The following GPC5 variants were observed in gnomAD, a reference collection of about 807,000 sequenced individuals.
The protein encoded by GPC5 is glypican 5, also known as glypican-5.
A neutral mutation model predicts 53.9 loss-of-function variants in GPC5; 47 were observed. The ratio of observed to expected loss-of-function variants is 0.87; its 90% CI spans 0.69 to 1.11. The LOEUF (loss-of-function observed/expected upper bound fraction) is 1.11. Ranked by LOEUF, GPC5 falls within the 50% of genes most tolerant of loss-of-function variation. GPC5 has a pLI of 0.00. For synonymous variants in GPC5, 286 were observed against 263.3 expected (o/e 1.09, Z -0.84); for missense variants, 748 against 713.1 (o/e 1.05, Z -0.56).
chr13:91,882,670 G>GTTTTTTTTTTTTTTTTTTTTTTTGGTTTT, intron 5 of GPC5, among the ~76,000 whole-genome samples: 1 of 59,334 alleles, frequency 1.7e-5, no homozygotes, highest in African/African-American at 7.1e-5. Flanking sequence ...TGTTTTTTGG[G>GTTTTTTTTTTTTTTTTTTTTTTTGGTTTT]TTTTTTTTTT....
intron 7 of GPC5, among the ~76,000 whole-genome samples, chr13:92,166,999 TAC>T (rs2042036604): frequency 7.4e-6 from 1 of 135,762 alleles, no homozygotes; most frequent in African/African-American, 2.9e-5. Flanking sequence ...CACACACATA[TAC>T]ACACGCCCTA....
At chr13:92,408,576 G>T (rs986729343) in intron 7 of GPC5, among the ~76,000 whole-genome samples, 1 of 151,474 alleles carries the variant, frequency 6.6e-6, no homozygotes, top group Non-Finnish European at 1.5e-5. Flanking sequence ...CAAGTGATTG[G>T]CATCTGGTAA....
intron 7 of GPC5, among the ~76,000 whole-genome samples, chr13:92,798,804 C>T (rs1022649713): frequency 2.0e-5 from 3 of 151,792 alleles, no homozygotes; most frequent in Admixed American, 6.6e-5. Flanking sequence ...AAATACCAAA[C>T]ACTCAAAATT....
At chr13:91,408,179 T>C (rs1877467415) in intron 1 of GPC5, among the ~76,000 whole-genome samples, 1 of 152,172 alleles carries the variant, frequency 6.6e-6, no homozygotes, top group South Asian at 2.1e-4. Flanking sequence ...TCTGTAAATA[T>C]GTGTCCCTTG....
chr13:92,706,889 T>G (rs1371270278), intron 7 of GPC5, among the ~76,000 whole-genome samples: 1 of 152,210 alleles, frequency 6.6e-6, no homozygotes, highest in Non-Finnish European at 1.5e-5. Context: ...GGTGGAGCCC[T>G]TCACAGGTAA....
chr13:92,188,300 G>C (rs1202763777), intron 7 of GPC5, among the ~76,000 whole-genome samples: 1 of 152,166 alleles, frequency 6.6e-6, no homozygotes, highest in African/African-American at 2.4e-5. Flanking sequence ...ATTGACAGAT[G>C]AAAGGGGCTC....
At chr13:92,824,958 T>C (rs1055314076) in intron 7 of GPC5, among the ~76,000 whole-genome samples, 10 of 152,154 alleles carry the variant, frequency 6.6e-5, no homozygotes, top group Admixed American at 2.0e-4. Flanking sequence ...TTGAATCCAT[T>C]CTTGTCCAAG....
intron 2 of GPC5, among the ~76,000 whole-genome samples, chr13:91,674,224 G>A (rs115246379): frequency 0.026 from 3,975 of 152,124 alleles, 78 homozygotes; most frequent in African/African-American, 0.045. Context: ...TTATTTCTGG[G>A]TGTGTCTTTG....
chr13:91,424,884 A>T (rs1878928947), intron 1 of GPC5, among the ~76,000 whole-genome samples: 1 of 152,170 alleles, frequency 6.6e-6, no homozygotes, highest in South Asian at 2.1e-4. Flanking sequence ...GTAAGTCAGG[A>T]CAAGCAAAGG....
At chr13:91,972,770 T>C (rs1009623601) in intron 6 of GPC5, among the ~76,000 whole-genome samples, 5 of 152,188 alleles carry the variant, frequency 3.3e-5, no homozygotes, top group Non-Finnish European at 5.9e-5. Context: ...AAAATTCTTT[T>C]CTTTAAGAAT....
intron 7 of GPC5, among the ~76,000 whole-genome samples, chr13:92,239,460 C>A (rs368968237): frequency 6.6e-6 from 1 of 151,946 alleles, no homozygotes; most frequent in Non-Finnish European, 1.5e-5. Flanking sequence ...TGTTATTAAA[C>A]CATCCATAGT....
intron 7 of GPC5, among the ~76,000 whole-genome samples, chr13:92,543,384 C>A (rs1009396549): frequency 1.3e-5 from 2 of 151,618 alleles, no homozygotes; most frequent in Admixed American, 6.6e-5. Flanking sequence ...TCTCTGTATT[C>A]TCTTGTGTCT....
chr13:92,405,049 A>G (rs2139341457), intron 7 of GPC5, among the ~76,000 whole-genome samples: 1 of 149,978 alleles, frequency 6.7e-6, no homozygotes, highest in Middle Eastern at 3.4e-3. Context: ...TTCTAAATAA[A>G]GACCAAAACA....
At chr13:91,925,275 A>G (rs2039756364) in intron 6 of GPC5, among the ~76,000 whole-genome samples, 3 of 152,346 alleles carry the variant, frequency 2.0e-5, no homozygotes, top group African/African-American at 7.2e-5. Context: ...TGAAAATCAT[A>G]ATTACCTTGA....
intron 7 of GPC5, among the ~76,000 whole-genome samples, chr13:92,235,932 A>G (rs1485787028): frequency 2.0e-5 from 3 of 152,134 alleles, no homozygotes; most frequent in Admixed American, 1.3e-4. Context: ...GTGTAAAAAA[A>G]AAGCTTTTTC....
At chr13:92,441,869 A>G (rs1877583414) in intron 7 of GPC5, among the ~76,000 whole-genome samples, 1 of 152,200 alleles carries the variant, frequency 6.6e-6, no homozygotes, top group Non-Finnish European at 1.5e-5. Context: ...GAAGAATCCA[A>G]ATAGCCAAAG....
At chr13:91,821,349 C>A (rs536329167) in intron 5 of GPC5, among the ~76,000 whole-genome samples, 2 of 152,310 alleles carry the variant, frequency 1.3e-5, no homozygotes, top group Admixed American at 1.3e-4. Flanking sequence ...ACATCGTAAT[C>A]TGTCCTAGAC....
intron 6 of GPC5, among the ~76,000 whole-genome samples, chr13:91,983,069 G>A (rs536140364): frequency 8.3e-4 from 127 of 152,248 alleles, no homozygotes; most frequent in Middle Eastern, 3.4e-3. Flanking sequence ...CAAGGTGCCG[G>A]TCGCGGTGGC....
intron 7 of GPC5, among the ~76,000 whole-genome samples, chr13:92,620,647 T>C (rs1884839886): frequency 6.6e-6 from 1 of 152,200 alleles, no homozygotes; most frequent in South Asian, 2.1e-4. Context: ...GATGGCTAAA[T>C]GAATTACCAG....
Sources: allele counts gnomAD v4.1 joint callset (sites outside exome capture counted in the v4.1 genomes callset), GRCh38; gene constraint gnomAD v4.1.1; transcripts MANE v1.5; gene names NCBI Gene and HGNC (gene_info 2026-07-23, HGNC 2026-07-21).